The following USP25 variants were observed in gnomAD, a reference collection of about 807,000 sequenced individuals.
USP25 encodes the protein ubiquitin carboxyl-terminal hydrolase 25.
USP25 carries 85 observed loss-of-function variants against 158.5 expected under a neutral mutation model. The observed-to-expected ratio is 0.54, with a 90% CI of 0.45 to 0.64. The LOEUF is 0.64. Ranked by LOEUF, USP25 falls within the 30% of genes least tolerant of loss-of-function variation. The pLI is 0.00. For synonymous variants in USP25, 464 were observed against 460.4 expected, an observed-to-expected ratio of 1.01 and a Z score of -0.10; for missense variants, 1,242 against 1,327.3, an observed-to-expected ratio of 0.94 and a Z score of 1.00.
At chr21:15,761,645 C>T (rs1251967433) in intron 1 of USP25, among the ~76,000 whole-genome samples, 3 of 152,182 alleles carry the variant, frequency 2.0e-5, no homozygotes, top group Non-Finnish European at 4.4e-5. Flanking sequence ...AGCCCCTCCC[C>T]AGTGCTGGCA....
At position 15,834,611 on chromosome 21, in the gene USP25, C is replaced by A. The variant is rs759295306; in HGVS notation, c.2194+1063C>A. ...ATTACTTCAATAGAAGATTGTTTTA[C>A]AGTGCTACAATGTAGTATTGTGACT... On this transcript the variant is annotated intron_variant, in intron 17 of 25. Coordinates refer to ENST00000400183, the MANE Select transcript of USP25 (RefSeq NM_001283041.3). Among the ~76,000 whole-genome samples the A allele has an allele frequency of 6.6e-4, 100 of 152,294 alleles. 2 individuals are homozygous for A. In the Middle Eastern group the frequency reaches 0.017, roughly 26 times the overall value.
chr21:15,808,444 G>A (rs777434918), intron 7 of USP25, among the ~76,000 whole-genome samples: 1 of 152,096 alleles, frequency 6.6e-6, no homozygotes, highest in Non-Finnish European at 1.5e-5. Flanking sequence ...AGAACTGTTT[G>A]CTAAGATGAT....
At position 15,833,381 on chromosome 21, in the gene USP25, T is replaced by G; in HGVS notation, c.2027T>G (p.Val676Gly). Residue 676 changes from valine (V) to glycine (G), a missense_variant, in exon 17 of 26, where the codon GTT becomes GGT. Around this residue, in one of 3 missense-constraint regions of USP25, gnomAD observed 608 missense variants for 605.2 expected, o/e 1.00. Coordinates refer to ENST00000400183, the MANE Select transcript of USP25 (RefSeq NM_001283041.3). ...EFNKETGQPL[V>G]GIETLPPDLR... ...AATAAAGAAACTGGGCAGCCCCTTG[T>G]TGGTATAGAAACATTACCACCGGAT... 1.2e-6 allele frequency: 2 copies of G among 1,613,858 alleles called. No individual in the cohort carries two copies. Among genetic ancestry groups the G allele is most frequent in the Non-Finnish European group, 1.7e-6 (2 of 1,179,872 alleles).
intron 4 of USP25, among the ~76,000 whole-genome samples, chr21:15,785,324 T>C (rs1042163104): frequency 6.6e-6 from 1 of 152,166 alleles, no homozygotes; most frequent in Non-Finnish European, 1.5e-5. Context: ...ATCCCACTTT[T>C]AACAGTAGAC....
intron 4 of USP25, among the ~76,000 whole-genome samples, chr21:15,788,800 A>G (rs1050520604): frequency 3.3e-5 from 5 of 152,108 alleles, no homozygotes; most frequent in Admixed American, 6.6e-5. Context: ...GTTAACAGTG[A>G]ATGACAATAT....
At chr21:15,849,196 A>C (rs762581980) in intron 19 of USP25, among the ~76,000 whole-genome samples, 1 of 152,182 alleles carries the variant, frequency 6.6e-6, no homozygotes, top group African/African-American at 2.4e-5. Flanking sequence ...ATTTAACACT[A>C]TCTTTTTTGC....
In USP25 at chr21:15,784,062, A is replaced by T. The variant is rs559790546; in HGVS notation, c.392+6035A>T. Among the ~76,000 whole-genome samples, 8 of 152,358 alleles carry T rather than the reference A, an allele frequency of 5.3e-5. No homozygotes were observed. The East Asian group carries it at 1.5e-3, about 29-fold the overall frequency. On this transcript the variant is annotated intron_variant, in intron 4 of 25. Transcript: ENST00000400183. ...ACCACTGGACTGGTCCTACAAAAAC[A>T]CTTAGAGGAAATAATAGGAAATGAA...
At chr21:15,835,210 C>T (rs190420593) in intron 17 of USP25, among the ~76,000 whole-genome samples, 2 of 152,268 alleles carry the variant, frequency 1.3e-5, no homozygotes, top group Admixed American at 1.3e-4. Context: ...GTGAATCCTC[C>T]ATTCATTGGT....
intron 17 of USP25, among the ~76,000 whole-genome samples, chr21:15,836,468 C>A (rs1568870404): frequency 6.6e-6 from 1 of 152,194 alleles, no homozygotes. Flanking sequence ...TACCTGAATA[C>A]TTTTGTTGAG....
At chr21:15,837,728 G>T (rs1007728913) in intron 17 of USP25, among the ~76,000 whole-genome samples, 6 of 152,146 alleles carry the variant, frequency 3.9e-5, no homozygotes, top group African/African-American at 1.2e-4. Context: ...AAACACTAGT[G>T]AAGATTGGAA....
At chr21:15,735,996 G>GTC (rs889072440) in intron 1 of USP25, among the ~76,000 whole-genome samples, 10 of 151,610 alleles carry the variant, frequency 6.6e-5, no homozygotes, top group African/African-American at 2.2e-4. Flanking sequence ...GTGTGTGTGT[G>GTC]TGTGTGTATG....
chr21:15,811,949 G>T (rs1422775269), intron 9 of USP25, among the ~76,000 whole-genome samples: 1 of 151,892 alleles, frequency 6.6e-6, no homozygotes, highest in African/African-American at 2.4e-5. Context: ...TTTTCTTCAC[G>T]ATCTTAAGTA....
At chr21:15,740,883 A>G (rs940474788) in intron 1 of USP25, among the ~76,000 whole-genome samples, 8 of 147,722 alleles carry the variant, frequency 5.4e-5, no homozygotes, top group Non-Finnish European at 1.0e-4. Flanking sequence ...ACCACCCCCC[A>G]CCCCCACACT....
Position 15,818,171 on chromosome 21 carries a change from C to T in USP25, c.932-527C>T, listed in dbSNP as rs555332165. Among the ~76,000 whole-genome samples, 9 of 152,296 alleles carry T rather than the reference C, an allele frequency of 5.9e-5. No homozygotes were observed. The East Asian group carries it at 1.5e-3, about 26-fold the overall frequency. On this transcript the variant is annotated intron_variant, in intron 9 of 25. Coordinates refer to ENST00000400183, the MANE Select transcript of USP25 (RefSeq NM_001283041.3). ...CAAGTCTGAGCTTAAATGTCCTTTG[C>T]CATGGAGGTCTTCCCTGCTCTCCCC...
chr21:15,819,044 C>T (rs1483030534), intron 10 of USP25, among the ~76,000 whole-genome samples, 198 bp downstream of exon 10: 1 of 152,150 alleles, frequency 6.6e-6, no homozygotes, highest in Non-Finnish European at 1.5e-5. Flanking sequence ...GTCAAATTCT[C>T]ACTTAAATAA....
intron 8 of USP25, among the ~76,000 whole-genome samples, chr21:15,810,581 G>A (rs2036608356): frequency 6.6e-6 from 1 of 152,148 alleles, no homozygotes; most frequent in South Asian, 2.1e-4. Context: ...AATTCTACCA[G>A]CAGTGTGAAA....
intron 11 of USP25, 151 bp downstream of exon 11, chr21:15,824,317 A>G (rs550313592): frequency 1.7e-4 from 149 of 864,994 alleles, no homozygotes; most frequent in African/African-American, 1.1e-3. Context: ...GATGAAATTT[A>G]CTTTGTATTA....
intron 1 of USP25, among the ~76,000 whole-genome samples, chr21:15,759,968 T>C (rs2033630137): frequency 6.6e-6 from 1 of 152,274 alleles, no homozygotes; most frequent in Non-Finnish European, 1.5e-5. Context: ...TTGTGTACTT[T>C]ATTATGTATT....
chr21:15,736,141 A>T (rs893367961), intron 1 of USP25, among the ~76,000 whole-genome samples: 5 of 151,394 alleles, frequency 3.3e-5, no homozygotes, highest in Non-Finnish European at 7.4e-5. Flanking sequence ...TCTCTCACCC[A>T]AGCTGGAGTG....
Sources: gnomAD v4.1 joint callset for allele counts (sites outside exome capture counted in the v4.1 genomes callset) on GRCh38, gnomAD v4.1.1 for gene constraint, gnomAD v4.1.1 regional missense constraint, MANE v1.5 for transcripts, NCBI Gene and HGNC (gene_info 2026-07-23, HGNC 2026-07-21) for gene names.